CFAP58: variants seen among roughly 807,000 people sequenced by gnomAD.
CFAP58 encodes cilia- and flagella-associated protein 58.
Under a neutral mutation model 119.5 loss-of-function variants are expected in CFAP58, and 88 were observed. The observed-to-expected ratio is 0.74, with a 90% CI of 0.62 to 0.88. The LOEUF is 0.88. Among genes scored for constraint, CFAP58 ranks in the 40% least tolerant of loss-of-function variants. The pLI is 0.00. For synonymous variants in CFAP58, 365 were observed against 366.3 expected (o/e 1.00, Z 0.04); for missense variants, 990 against 1,021.2 (o/e 0.97, Z 0.42).
chr10:104,430,297 G>A (rs2012823735), intron 15 of CFAP58, among the ~76,000 whole-genome samples: 1 of 152,174 alleles, frequency 6.6e-6, no homozygotes. Flanking sequence ...TTCCAGTCAA[G>A]AGTAGACAGC....
At chr10:104,422,930 A>G (rs992676934) in intron 15 of CFAP58, among the ~76,000 whole-genome samples, 5 of 152,138 alleles carry the variant, frequency 3.3e-5, no homozygotes, top group Admixed American at 1.3e-4. Flanking sequence ...TTGAGTGGAG[A>G]TACTTTGCAT....
At chr10:104,402,490 C>T (rs1281701451) in intron 13 of CFAP58, among the ~76,000 whole-genome samples, 1 of 152,190 alleles carries the variant, frequency 6.6e-6, no homozygotes, top group East Asian at 1.9e-4. Flanking sequence ...TGCACCCCTG[C>T]AGCAGGCGAG....
intron 15 of CFAP58, among the ~76,000 whole-genome samples, chr10:104,432,554 G>C (rs2012865958): frequency 2.0e-5 from 3 of 151,770 alleles, no homozygotes; most frequent in African/African-American, 7.3e-5. Context: ...CCAGGCTAGA[G>C]TGCCATGGTG....
At position 104,448,334 on chromosome 10, in the gene CFAP58, A is replaced by T. The variant is rs571658421; in HGVS notation, c.2376+517A>T. Among the ~76,000 whole-genome samples the T allele has an allele frequency of 9.2e-5, 14 of 152,364 alleles. No homozygotes were observed. The South Asian group carries it at 2.3e-3, about 25-fold the overall frequency. ...GTAACCATGAAAGGGAAATAAAATC[A>T]GGCAAGATTTTTTGATAGTGTGATT... On this transcript the variant is annotated intron_variant, in intron 16 of 17. Coordinates refer to ENST00000369704, the MANE Select transcript of CFAP58 (RefSeq NM_001008723.2).
intron 15 of CFAP58, among the ~76,000 whole-genome samples, chr10:104,433,962 A>G (rs1409901735): frequency 6.6e-6 from 1 of 152,190 alleles, no homozygotes; most frequent in Non-Finnish European, 1.5e-5. Context: ...CTGGTTTGGC[A>G]GGTGACTTCA....
chr10:104,438,066 A>G (rs2012963115), intron 15 of CFAP58, among the ~76,000 whole-genome samples: 1 of 152,230 alleles, frequency 6.6e-6, no homozygotes, highest in South Asian at 2.1e-4. Context: ...ATAAGGAGGG[A>G]AATGGAACAT....
chr10:104,344,799 C>A, the CFAP58 span, among the ~76,000 whole-genome samples: 1 of 152,046 alleles, frequency 6.6e-6, no homozygotes, highest in Non-Finnish European at 1.5e-5. Context: ...GCATTTGCTT[C>A]TACTAAAATC....
upstream of CFAP58, among the ~76,000 whole-genome samples, chr10:104,352,782 C>T (rs893952915): frequency 2.6e-5 from 4 of 152,126 alleles, no homozygotes; most frequent in Non-Finnish European, 4.4e-5. Flanking sequence ...TGGTAGATGC[C>T]CCTTATGAAA....
At chr10:104,365,712 C>T in intron 4 of CFAP58, 102 bp from the exon 5 acceptor site, 4 of 1,017,286 alleles carry the variant, frequency 3.9e-6, no homozygotes, top group Non-Finnish European at 5.8e-6. Flanking sequence ...CAAAGTGCTG[C>T]CTTGACAATC....
chr10:104,387,860 T>C (rs1395685263), intron 9 of CFAP58, among the ~76,000 whole-genome samples: 1 of 152,222 alleles, frequency 6.6e-6, no homozygotes, highest in African/African-American at 2.4e-5. Context: ...AACATTCTTT[T>C]GCAACAAATC....
chr10:104,360,702 T>G (rs1026257361), intron 2 of CFAP58, among the ~76,000 whole-genome samples: 20 of 152,178 alleles, frequency 1.3e-4, no homozygotes, highest in Admixed American at 7.2e-4. Context: ...TCTCATCATT[T>G]AGCTCCCATT....
At chr10:104,421,932 T>C (rs575210059) in intron 15 of CFAP58, among the ~76,000 whole-genome samples, 53 of 152,332 alleles carry the variant, frequency 3.5e-4, no homozygotes, top group Middle Eastern at 3.4e-3. Context: ...ACACCTATAA[T>C]CCTAGCACTT....
In CFAP58 at chr10:104,353,882, C is replaced by A; in HGVS notation, c.-16C>A. 6.2e-7 allele frequency: 1 copy of A among 1,613,062 alleles called. No individual in the cohort carries two copies. The highest frequency in any genetic ancestry group is 8.5e-7 in the Non-Finnish European group (1 of 1,179,142). The stretch of plus-strand genomic sequence containing the variant: ...CTCCACAGCAGCCTCTGAGGCCGCC[C>A]CCAGAGAGCATCAGGATGGCTGAGG... On this transcript the variant is annotated 5_prime_UTR_variant, in exon 1 of 18. Coordinates refer to ENST00000369704, the MANE Select transcript of CFAP58 (RefSeq NM_001008723.2).
chr10:104,454,749 T>C lies in CFAP58; in HGVS notation c.*219T>C, dbSNP rs1448645029. ...CATAATTCTCTCTGTTCAGTTAGGC[T>C]GACCTATTGCATGAAGCAAATCTTT... On this transcript the variant is annotated 3_prime_UTR_variant, in exon 18 of 18. Coordinates refer to ENST00000369704, the MANE Select transcript of CFAP58 (RefSeq NM_001008723.2). The C allele has an allele frequency of 1.2e-5, 6 of 502,356 alleles. No homozygotes were observed. Among genetic ancestry groups the C allele is most frequent in the Non-Finnish European group, 1.8e-5 (5 of 285,220 alleles). 31.1% of individuals were successfully genotyped at this position (502,356 alleles called of 1,614,324 possible).
intron 15 of CFAP58, among the ~76,000 whole-genome samples, chr10:104,421,776 G>A (rs144692883): frequency 6.6e-6 from 1 of 152,250 alleles, no homozygotes; most frequent in Admixed American, 6.5e-5. Flanking sequence ...GGTAATAGTA[G>A]TGCCTATCAC....
At chr10:104,379,098 C>T (rs375795376) in intron 8 of CFAP58, among the ~76,000 whole-genome samples, 4 of 152,174 alleles carry the variant, frequency 2.6e-5, no homozygotes, top group African/African-American at 7.2e-5. Flanking sequence ...GTTGGGCAAC[C>T]GTCACCACAA....
At chr10:104,346,633 C>CTTT in the CFAP58 span, among the ~76,000 whole-genome samples, 47 of 101,116 alleles carry the variant, frequency 4.6e-4, 1 homozygote, top group African/African-American at 1.6e-3. Flanking sequence ...GCCATTTAGT[C>CTTT]TTTTTTTTTT....
chr10:104,363,519 A>T (rs2014699946), intron 3 of CFAP58, among the ~76,000 whole-genome samples: 1 of 152,238 alleles, frequency 6.6e-6, no homozygotes, highest in African/African-American at 2.4e-5. Flanking sequence ...TTGTTAAGGA[A>T]GTCAAGCATA....
intron 9 of CFAP58, 38 bp from the exon 10 acceptor site, chr10:104,392,195 G>A: frequency 1.3e-6 from 2 of 1,515,872 alleles, no homozygotes; most frequent in South Asian, 1.3e-5. Context: ...GCACAGATGG[G>A]CTATTTAACC....
Sources: gnomAD v4.1 joint callset for allele counts (sites outside exome capture counted in the v4.1 genomes callset) on GRCh38, gnomAD v4.1.1 for gene constraint, MANE v1.5 for transcripts, NCBI Gene and HGNC (gene_info 2026-07-23, HGNC 2026-07-21) for gene names.